CTCFL: variants seen among roughly 807,000 people sequenced by gnomAD.
The protein encoded by CTCFL is transcriptional repressor CTCFL.
CTCFL carries 36 observed loss-of-function variants against 67.4 expected under a neutral mutation model. That is an observed-to-expected ratio of 0.53 (90% CI 0.41 to 0.71). The LOEUF is 0.71. Ranked by LOEUF, CTCFL falls within the 30% of genes least tolerant of loss-of-function variation. The probability of loss-of-function intolerance (pLI) is 0.00; values close to 1 mark genes in which losing one functional copy is unlikely to be tolerated. For synonymous variants in CTCFL, 324 were observed against 302.3 expected (o/e 1.07, Z -0.75); for missense variants, 786 against 835.2 (o/e 0.94, Z 0.73).
intron 9 of CTCFL, among the ~76,000 whole-genome samples, chr20:57,505,768 T>A (rs2068174255): frequency 6.6e-6 from 1 of 152,130 alleles, no homozygotes; most frequent in South Asian, 2.1e-4. Flanking sequence ...GCCAAAGACT[T>A]CCCCTAGTCA....
intron 3 of CTCFL, among the ~76,000 whole-genome samples, chr20:57,520,549 T>C (rs530718300): frequency 2.2e-4 from 34 of 152,294 alleles, no homozygotes; most frequent in Admixed American, 2.1e-3. Flanking sequence ...TAGCTGATTC[T>C]CAGTAAAAAA....
chr20:57,498,338 T>G lies in CTCFL; in HGVS notation c.*212A>C, dbSNP rs1392228364. 7.7e-7 allele frequency: 1 copy of G among 1,300,894 alleles called. No homozygotes were observed. Among genetic ancestry groups the G allele is most frequent in the Non-Finnish European group, 9.8e-7 (1 of 1,020,850 alleles). The allele number at this position is 1,300,894 out of a possible 1,614,324, so 80.6% of individuals were successfully genotyped here. A position where few individuals can be genotyped will look rare whatever the true frequency, so the allele number is the denominator to read the frequency against. On this transcript the variant is annotated 3_prime_UTR_variant, in exon 11 of 11. Coordinates refer to ENST00000243914, the MANE Select transcript of CTCFL (RefSeq NM_001386993.1). ...CAGGAGAACAATTCTAGACACTACC[T>G]CAAACTTGTGTCATCCATTGTCATG...
rs2067736266 is a variant in CTCFL at position 57,497,263 on chromosome 20, G to A, written c.*1287C>T. ...ACCATTGCACAAATTCAGTCACAAT[G>A]ATGGCATACTACAGCCCACAGAATT... On this transcript the variant is annotated 3_prime_UTR_variant, in exon 11 of 11. Coordinates refer to ENST00000243914, the MANE Select transcript of CTCFL (RefSeq NM_001386993.1). 2 of 979,798 alleles carry A rather than the reference G, an allele frequency of 2.0e-6. No homozygotes were observed. Among genetic ancestry groups the A allele is most frequent in the Non-Finnish European group, 2.4e-6 (2 of 824,900 alleles). 60.7% of individuals were successfully genotyped at this position (979,798 alleles called of 1,614,324 possible).
chr20:57,507,023 T>A, intron 9 of CTCFL: 1 of 985,528 alleles, frequency 1.0e-6, no homozygotes, highest in Non-Finnish European at 1.2e-6. Context: ...TTTATAAAAC[T>A]TTTATAAAGT....
At chr20:57,511,937 C>T (rs1475660637) in intron 8 of CTCFL, among the ~76,000 whole-genome samples, 1 of 152,172 alleles carries the variant, frequency 6.6e-6, no homozygotes, top group Non-Finnish European at 1.5e-5. Flanking sequence ...CGCCCAATGA[C>T]TGAGTAAACA....
chr20:57,498,011 G>T lies in CTCFL; in HGVS notation c.*539C>A. On this transcript the variant is annotated 3_prime_UTR_variant, in exon 11 of 11. Transcript: ENST00000243914. ...AGAACTAATTAAAAGCATTATGGTAGCTTTAAATTTTGTAGAAAATTCATT... is the reference window on the plus strand; with the variant it reads ...AGAACTAATTAAAAGCATTATGGTATCTTTAAATTTTGTAGAAAATTCATT... The T allele has an allele frequency of 1.1e-6, 1 of 911,136 alleles. No individual in the cohort carries two copies. The highest frequency in any genetic ancestry group is 1.3e-6 in the Non-Finnish European group (1 of 762,484). The allele number at this position is 911,136 out of a possible 1,614,324, so 56.4% of individuals were successfully genotyped here.
chr20:57,523,356 T>C, intron 2 of CTCFL, 78 bp from the exon 3 acceptor site: 2 of 1,367,000 alleles, frequency 1.5e-6, no homozygotes, highest in South Asian at 1.3e-5. Context: ...AAGCACAGAA[T>C]ACAAAAAGAA....
intron 3 of CTCFL, among the ~76,000 whole-genome samples, chr20:57,520,328 G>A (rs2069257094): frequency 6.6e-6 from 1 of 152,186 alleles, no homozygotes; most frequent in African/African-American, 2.4e-5. Flanking sequence ...CAGTGCAAGG[G>A]CAGCGGAAAC....
intron 7 of CTCFL, among the ~76,000 whole-genome samples, chr20:57,514,372 C>A (rs1207213075): frequency 1.3e-5 from 2 of 152,190 alleles, no homozygotes; most frequent in African/African-American, 4.8e-5. Context: ...GCATACGGAA[C>A]AGGCCTGGGC....
At chr20:57,499,806 G>T in intron 10 of CTCFL, 1 of 207,358 alleles carries the variant, frequency 4.8e-6, no homozygotes, top group Non-Finnish European at 8.5e-6. Context: ...AGAATCTAAC[G>T]CTGCCGCTGA....
intron 10 of CTCFL, among the ~76,000 whole-genome samples, chr20:57,498,997 GCC>G (rs2067779483): frequency 3.6e-5 from 5 of 139,800 alleles, no homozygotes; most frequent in Non-Finnish European, 6.0e-5. Context: ...ACCACTAGAT[GCC>G]AGTAGCACCC....
chr20:57,523,206 T>G lies in CTCFL; in HGVS notation c.616A>C (p.Met206Leu), dbSNP rs370388349. ...TCGTCACTTCTTTCATCTCCTGACATTGTTTCCACAAAAAAGAGCTGCTCC... is the reference window on the plus strand; with the variant it reads ...TCGTCACTTCTTTCATCTCCTGACAGTGTTTCCACAAAAAAGAGCTGCTCC... ...TKEQLFFVET[M>L]SGDERSDEIV... The change falls in exon 3 of 11, where the codon ATG (methionine) becomes CTG (leucine). Residue 206 changes from methionine to leucine, a missense_variant. Around this residue, in one of 3 missense-constraint regions of CTCFL, gnomAD observed 333 missense variants for 304.6 expected, o/e 1.09. Transcript: ENST00000243914. The G allele has an allele frequency of 6.2e-7, 1 of 1,614,090 alleles. No homozygotes were observed. The highest frequency in any genetic ancestry group is 8.5e-7 in the Non-Finnish European group (1 of 1,180,014).
At chr20:57,503,405 C>G in intron 10 of CTCFL, 31 bp downstream of exon 10, 3 of 1,612,290 alleles carry the variant, frequency 1.9e-6, no homozygotes, top group South Asian at 2.2e-5. Context: ...ATCACTGAGG[C>G]GGTAAAAACA....
chr20:57,508,353 C>G (rs1230207152), intron 9 of CTCFL, among the ~76,000 whole-genome samples: 1 of 151,076 alleles, frequency 6.6e-6, no homozygotes, highest in Non-Finnish European at 1.5e-5. Flanking sequence ...TGATAACTCC[C>G]TATTGTAAGA....
chr20:57,501,338 A>G (rs1285096139), intron 10 of CTCFL, among the ~76,000 whole-genome samples: 2 of 140,772 alleles, frequency 1.4e-5, no homozygotes, highest in African/African-American at 2.6e-5. Context: ...GATACGGAGC[A>G]TGTTTAAGGC....
chr20:57,503,317 G>T, intron 10 of CTCFL, 119 bp downstream of exon 10: 1 of 1,206,702 alleles, frequency 8.3e-7, no homozygotes, highest in Admixed American at 2.0e-5. Flanking sequence ...TTGCAGGACC[G>T]ACTGGTGGAC....
chr20:57,503,943 GAAAGA>G (rs1310236621), intron 9 of CTCFL, among the ~76,000 whole-genome samples: 1 of 149,972 alleles, frequency 6.7e-6, no homozygotes, highest in Non-Finnish European at 1.5e-5. Context: ...AAAAAAAAAA[GAAAGA>G]AAAGAAAAGG....
At chr20:57,514,846 A>AC (rs2068802434) in intron 6 of CTCFL, 105 bp from the exon 7 acceptor site, 2 of 1,241,102 alleles carry the variant, frequency 1.6e-6, no homozygotes, top group Non-Finnish European at 2.3e-6. Context: ...TCCTTTATCA[A>AC]CCCCCTTCTC....
At chr20:57,503,415 A>C in intron 10 of CTCFL, 21 bp downstream of exon 10, 1 of 1,613,658 alleles carries the variant, frequency 6.2e-7, no homozygotes, top group Non-Finnish European at 8.5e-7. Flanking sequence ...CGGTAAAAAC[A>C]AATCTGCGTA....
Sources: allele counts gnomAD v4.1 joint callset (sites outside exome capture counted in the v4.1 genomes callset), GRCh38; gene constraint gnomAD v4.1.1; regional missense constraint gnomAD v4.1.1; transcripts MANE v1.5; gene names NCBI Gene and HGNC (gene_info 2026-07-23, HGNC 2026-07-21).